The following XPO6 variants were observed in gnomAD, a reference collection of about 807,000 sequenced individuals.
XPO6 encodes the protein exportin 6.
In XPO6, 3 loss-of-function variants were observed where a neutral mutation model predicts 130.0. The ratio of observed to expected loss-of-function variants is 0.02; its 90% CI spans 0.01 to 0.06. The LOEUF (loss-of-function observed/expected upper bound fraction) is 0.06. Among genes scored for constraint, XPO6 ranks in the 10% least tolerant of loss-of-function variants. The pLI is 1.00. For missense variants in XPO6, 970 were observed against 1,393.0 expected, an observed-to-expected ratio of 0.70 and a Z score of 4.83; for synonymous variants, 524 against 548.9, an observed-to-expected ratio of 0.95 and a Z score of 0.63.
rs766113769 is a variant in XPO6 at position 28,117,539 on chromosome 16, G to GT, written c.1860-78dup. The GT allele has an allele frequency of 3.9e-5, 60 of 1,524,066 alleles. No individual in the cohort carries two copies. The East Asian group carries it at 6.0e-4, about 15-fold the overall frequency. The allele number at this position is 1,524,066 out of a possible 1,614,324, so 94.4% of individuals were successfully genotyped here. A position where few individuals can be genotyped will look rare whatever the true frequency, so the allele number is the denominator to read the frequency against. On this transcript the variant is annotated intron_variant, in intron 14 of 23. Transcript: ENST00000304658. ...AGCGTTCAACTCATTTTCATAGGAGGTAAGAATTGCATCCACTGCATTTGC... is the reference window on the plus strand; with the variant it reads ...AGCGTTCAACTCATTTTCATAGGAGGTTAAGAATTGCATCCACTGCATTTGC...
At chr16:28,179,446 G>A (rs568223633) in intron 2 of XPO6, among the ~76,000 whole-genome samples, 1 of 152,184 alleles carries the variant, frequency 6.6e-6, no homozygotes, top group Non-Finnish European at 1.5e-5. Flanking sequence ...ATTAAGCAAA[G>A]GTTTCTGTGA....
intron 9 of XPO6, among the ~76,000 whole-genome samples, chr16:28,142,838 C>G (rs1480771959): frequency 6.6e-6 from 1 of 152,108 alleles, no homozygotes; most frequent in East Asian, 1.9e-4. Flanking sequence ...CCACAAGGAG[C>G]TGGAACTACA....
intron 8 of XPO6, among the ~76,000 whole-genome samples, chr16:28,152,164 G>C (rs2043104750): frequency 6.6e-6 from 1 of 152,142 alleles, no homozygotes; most frequent in Non-Finnish European, 1.5e-5. Context: ...GCTTGTGAAG[G>C]TTGTATGTCT....
At chr16:28,200,168 A>G (rs2043933402) in intron 1 of XPO6, among the ~76,000 whole-genome samples, 1 of 151,680 alleles carries the variant, frequency 6.6e-6, no homozygotes, top group South Asian at 2.1e-4. Context: ...AAAAAAGAAA[A>G]GGGAAAGGAA....
At chr16:28,169,175 C>T (rs919704704) in intron 5 of XPO6, among the ~76,000 whole-genome samples, 3 of 152,206 alleles carry the variant, frequency 2.0e-5, no homozygotes, top group African/African-American at 7.2e-5. Flanking sequence ...CAGCAGCCAC[C>T]CCAGTCACCC....
chr16:28,124,095 T>C (rs975068970), intron 13 of XPO6, among the ~76,000 whole-genome samples: 2 of 151,410 alleles, frequency 1.3e-5, no homozygotes, highest in Non-Finnish European at 2.9e-5. Flanking sequence ...TTCACTCTTG[T>C]TGCCCAGGCT....
chr16:28,099,028 T>C (rs1484929966), intron 23 of XPO6, among the ~76,000 whole-genome samples: 1 of 152,184 alleles, frequency 6.6e-6, no homozygotes, highest in East Asian at 1.9e-4. Flanking sequence ...CACTTGCTCC[T>C]GAGTCCGGCC....
chr16:28,125,090 G>A (rs186349610), intron 13 of XPO6, among the ~76,000 whole-genome samples: 3 of 152,298 alleles, frequency 2.0e-5, no homozygotes, highest in Admixed American at 1.3e-4. Context: ...TGTAAACCTG[G>A]TGTGAGACCC....
Position 28,106,573 on chromosome 16 carries a change from T to G in XPO6, c.2498-76A>C, listed in dbSNP as rs2086787651. The G allele has an allele frequency of 6.9e-6, 8 of 1,157,844 alleles. No individual in the cohort carries two copies. The East Asian group carries it at 1.6e-4, about 24-fold the overall frequency. 71.7% of individuals were successfully genotyped at this position (1,157,844 alleles called of 1,614,324 possible). A position where few individuals can be genotyped will look rare whatever the true frequency, so the allele number is the denominator to read the frequency against. ...AGAACCCTGGGCTTCATCAACCTAC[T>G]CCTGAAATCTGCACTATCAGCTTTC... On this transcript the variant is annotated intron_variant, in intron 18 of 23. Coordinates refer to ENST00000304658, the MANE Select transcript of XPO6 (RefSeq NM_015171.4). The surrounding 1 kb of genome is among the most constrained non-coding windows in gnomAD (Gnocchi z 4.2).
chr16:28,173,414 G>A (rs959984793), intron 4 of XPO6, among the ~76,000 whole-genome samples: 2 of 152,148 alleles, frequency 1.3e-5, no homozygotes, highest in Admixed American at 1.3e-4. Flanking sequence ...GAAAGAAAGG[G>A]AAGCTTACCT....
At chr16:28,166,029 G>A (rs2043350878) in intron 6 of XPO6, among the ~76,000 whole-genome samples, 1 of 152,170 alleles carries the variant, frequency 6.6e-6, no homozygotes. Flanking sequence ...AACCAATGTT[G>A]ATTCAATGCT....
chr16:28,104,479 AGACAG>A, intron 21 of XPO6, 62 bp downstream of exon 21: 1 of 1,575,842 alleles, frequency 6.3e-7, no homozygotes, highest in South Asian at 1.1e-5. Flanking sequence ...GGGGCTTCGA[AGACAG>A]GACTCGCTGC....
Position 28,140,795 on chromosome 16 carries a change from A to C in XPO6, c.1334+5299T>G, listed in dbSNP as rs185527361. On this transcript the variant is annotated intron_variant, in intron 9 of 23. Coordinates refer to ENST00000304658, the MANE Select transcript of XPO6 (RefSeq NM_015171.4). The stretch of plus-strand genomic sequence containing the variant: ...ATAAGCCTATAAGCCTCAAGTTCTG[A>C]GAGTTAAATAAAATTATACATGTTA... Among the ~76,000 whole-genome samples, 12 of 152,266 alleles carry C rather than the reference A, an allele frequency of 7.9e-5. No individual in the cohort carries two copies. The East Asian group carries it at 2.1e-3, about 27-fold the overall frequency.
intron 1 of XPO6, among the ~76,000 whole-genome samples, chr16:28,181,687 T>C (rs1302790737): frequency 6.6e-6 from 1 of 152,028 alleles, no homozygotes; most frequent in Non-Finnish European, 1.5e-5. Flanking sequence ...TGGCCATGGA[T>C]TCTTGGAGGT....
chr16:28,175,099 G>GA (rs1409310340), intron 4 of XPO6, among the ~76,000 whole-genome samples: 1 of 152,058 alleles, frequency 6.6e-6, no homozygotes, highest in African/African-American at 2.4e-5. Context: ...ACCCTGGCCT[G>GA]AAAAATCTAT....
intron 4 of XPO6, among the ~76,000 whole-genome samples, chr16:28,171,445 T>A (rs1377469493): frequency 7.6e-6 from 1 of 131,012 alleles, no homozygotes; most frequent in Non-Finnish European, 1.6e-5. Flanking sequence ...AGAGCAAGAC[T>A]CTGTCTCAAA....
intron 8 of XPO6, among the ~76,000 whole-genome samples, chr16:28,149,670 G>C (rs923942411): frequency 6.6e-6 from 1 of 152,120 alleles, no homozygotes; most frequent in Non-Finnish European, 1.5e-5. Flanking sequence ...TAGCCTACTT[G>C]TGTGATGGAC....
chr16:28,175,891 T>C lies in XPO6; in HGVS notation c.405+7A>G. ...ACAAGATAAAGTTTCCTTAGGCATATCCTTACCTGTAAAATGTTAGTAAAA... is the reference window on the plus strand; with the variant it reads ...ACAAGATAAAGTTTCCTTAGGCATACCCTTACCTGTAAAATGTTAGTAAAA... On this transcript the variant is annotated splice_region_variant and intron_variant, in intron 4 of 23. Transcript: ENST00000304658. 2 of 1,612,872 alleles carry C rather than the reference T, an allele frequency of 1.2e-6. No individual in the cohort carries two copies. Among genetic ancestry groups the C allele is most frequent in the South Asian group, 1.1e-5 (1 of 91,050 alleles).
chr16:28,137,949 G>C (rs982573930), intron 9 of XPO6, among the ~76,000 whole-genome samples: 1 of 151,964 alleles, frequency 6.6e-6, no homozygotes, highest in Non-Finnish European at 1.5e-5. Flanking sequence ...CCGACAGCTC[G>C]TTTCTTAACT....
Sources: gnomAD v4.1 joint callset for allele counts (sites outside exome capture counted in the v4.1 genomes callset) on GRCh38, gnomAD v4.1.1 for gene constraint, Gnocchi (gnomAD v3.1) non-coding constraint, MANE v1.5 for transcripts, NCBI Gene and HGNC (gene_info 2026-07-23, HGNC 2026-07-21) for gene names.